The following GART variants were observed in gnomAD, a reference collection of about 807,000 sequenced individuals.
GART encodes the protein phosphoribosylglycinamide formyltransferase, phosphoribosylglycinamide synthetase, phosphoribosylaminoimidazole synthetase, also known as trifunctional purine biosynthetic protein adenosine-3.
In GART, 43 loss-of-function variants were observed where a neutral mutation model predicts 107.2. The observed-to-expected ratio is 0.40, with a 90% CI of 0.31 to 0.52. GART has a LOEUF of 0.52. Among genes scored for constraint, GART ranks in the 20% least tolerant of loss-of-function variants. GART has a pLI of 0.52. For missense variants in GART, 1,107 were observed against 1,206.5 expected (o/e 0.92, Z 1.22); for synonymous variants, 434 against 427.0 (o/e 1.02, Z -0.20).
In GART at chr21:33,505,654, T is replaced by C. The variant is rs755774797; in HGVS notation, c.2632A>G (p.Ile878Val). Residue 878 changes from isoleucine to valine, a missense_variant, in exon 20 of 22, where the codon ATT (isoleucine) becomes GTT (valine). Physicochemically the swap from Ile to Val is conservative, Grantham distance 29. Coordinates refer to ENST00000381815, the MANE Select transcript of GART (RefSeq NM_000819.5). ...YKNRVEFDSA[I>V]DLVLEEFSID... ...GAGAACTCTTCAAGGACTAGGTCAA[T>C]TGCACTGTCAAATTCTACACGATTT... 5.0e-6 allele frequency: 8 copies of C among 1,612,038 alleles called. No homozygotes were observed. The highest frequency in any genetic ancestry group is 2.7e-5 in the African/African-American group (2 of 74,884).
chr21:33,542,843 A>G (rs528858016), upstream of GART: 1 of 567,458 alleles, frequency 1.8e-6, no homozygotes, highest in South Asian at 2.1e-5. Context: ...CCTGCGTCAG[A>G]CACTAACATG....
At chr21:33,512,453 T>C (rs1271571098) in intron 16 of GART, among the ~76,000 whole-genome samples, 1 of 152,132 alleles carries the variant, frequency 6.6e-6, no homozygotes, top group African/African-American at 2.4e-5. Context: ...TTATGGGATC[T>C]GATTTTTTAA....
At chr21:33,520,222 T>C in intron 14 of GART, 142 bp downstream of exon 14, 1 of 689,802 alleles carries the variant, frequency 1.4e-6, no homozygotes, top group Non-Finnish European at 2.4e-6. Flanking sequence ...TTTACCTATA[T>C]TTCATTTGTG....
At chr21:33,537,090 C>T (rs2085320506) in intron 2 of GART, among the ~76,000 whole-genome samples, 1 of 152,096 alleles carries the variant, frequency 6.6e-6, no homozygotes, top group South Asian at 2.1e-4. Flanking sequence ...TGAGCAGCGT[C>T]AACTATATCA....
upstream of GART, chr21:33,542,830 G>A: frequency 1.8e-6 from 1 of 550,548 alleles, no homozygotes; most frequent in Non-Finnish European, 3.3e-6. Flanking sequence ...TCCTGTAATG[G>A]CGCCTGCGTC....
chr21:33,526,576 T>C (rs1234233624), intron 10 of GART, among the ~76,000 whole-genome samples: 5 of 152,214 alleles, frequency 3.3e-5, no homozygotes, highest in Middle Eastern at 3.4e-3. Flanking sequence ...TAAGTTTCTT[T>C]CTTTTCAGTA....
chr21:33,528,498 T>C, intron 9 of GART, 21 bp downstream of exon 9: 1 of 1,571,946 alleles, frequency 6.4e-7, no homozygotes. Context: ...TACCAAGTAA[T>C]ACTTTGATAT....
rs758357803 is a variant in GART at position 33,520,939 on chromosome 21, G to A, written c.1470C>T (p.Ala490=). 4 of 1,614,006 alleles carry A rather than the reference G, an allele frequency of 2.5e-6. No individual in the cohort carries two copies. Among genetic ancestry groups the A allele is most frequent in the Non-Finnish European group, 3.4e-6 (4 of 1,179,970 alleles). Residue 490 remains alanine, a synonymous_variant, in exon 13 of 22, where the codon GCC becomes GCT. Coordinates refer to ENST00000381815, the MANE Select transcript of GART (RefSeq NM_000819.5). The stretch of plus-strand genomic sequence containing the variant: ...TAGTTCCAACGCCATCTGTTCCAGA[G>A]GCCAGAAGGGGATCTTTGAAACCAG... ...KAAGFKDPLL[A]SGTDGVGTKL...
Position 33,504,258 on chromosome 21 carries a change from C to T in GART, c.2899G>A (p.Asp967Asn). The change falls in exon 22 of 22, where the codon GAT (aspartate) becomes AAT (asparagine). Residue 967 changes from aspartate (D) to asparagine (N), a missense_variant. Coordinates refer to ENST00000381815, the MANE Select transcript of GART (RefSeq NM_000819.5). The stretch of plus-strand genomic sequence containing the variant: ...CTTTCAGAAAGAGTTGCGACAGTAT[C>T]ACCCCTCTTCACGGGAACAGCTTCT... ...LQEAVPVKRG[D>N]TVATLSERVK... The T allele has an allele frequency of 6.2e-7, 1 of 1,614,192 alleles. No individual in the cohort carries two copies. Among genetic ancestry groups the T allele is most frequent in the South Asian group, 1.1e-5 (1 of 91,078 alleles).
At chr21:33,521,216 C>T (rs2084967494) in intron 12 of GART, among the ~76,000 whole-genome samples, 1 of 152,168 alleles carries the variant, frequency 6.6e-6, no homozygotes, top group Non-Finnish European at 1.5e-5. Context: ...AATAGATTAA[C>T]ATGTAACATG....
At chr21:33,538,423 G>A (rs964066420) in intron 2 of GART, among the ~76,000 whole-genome samples, 2 of 151,446 alleles carry the variant, frequency 1.3e-5, no homozygotes, top group African/African-American at 4.9e-5. Flanking sequence ...TGTAGAGATC[G>A]GGTCTCACTA....
chr21:33,505,938 T>C, intron 19 of GART, 36 bp downstream of exon 19: 1 of 1,611,512 alleles, frequency 6.2e-7, no homozygotes, highest in Non-Finnish European at 8.5e-7. Flanking sequence ...AGCTTAAATA[T>C]GGCCCACAGC....
intron 1 of GART, among the ~76,000 whole-genome samples, chr21:33,540,998 C>T (rs1003266394): frequency 6.7e-6 from 1 of 149,278 alleles, no homozygotes; most frequent in Non-Finnish European, 1.5e-5. Flanking sequence ...ATTCTCTCAA[C>T]AAGTGAAACG....
Position 33,522,343 on chromosome 21 carries a change from T to C in GART, c.1299-61A>G, listed in dbSNP as rs1022529903. The C allele has an allele frequency of 1.3e-5, 17 of 1,273,348 alleles. No individual in the cohort carries two copies. In the African/African-American group the frequency reaches 2.2e-4, roughly 17 times the overall value. 78.9% of individuals were successfully genotyped at this position (1,273,348 alleles called of 1,614,324 possible). ...AGGGAAAATTATTTTAATCTTAAAA[T>C]ATTATTTAAAGCAGAAGATATCCCA... On this transcript the variant is annotated intron_variant, in intron 11 of 21. Coordinates refer to ENST00000381815, the MANE Select transcript of GART (RefSeq NM_000819.5).
chr21:33,520,461 A>G lies in GART; in HGVS notation c.1605T>C (p.Leu535=), dbSNP rs2084951542. Residue 535 remains leucine, a synonymous_variant, in exon 14 of 22, where the codon CTT becomes CTC. Transcript: ENST00000381815. ...LAQGAEPLFF[L]DYFSCGKLDL... ...CAAGTTTTCCACAGGAAAAGTAATC[A>G]AGGAAGAAGAGGGGCTCTGCTCCTT... 1.2e-6 allele frequency: 2 copies of G among 1,614,170 alleles called. No individual in the cohort carries two copies. Among genetic ancestry groups the G allele is most frequent in the East Asian group, 4.5e-5 (2 of 44,876 alleles).
upstream of GART, chr21:33,542,217 G>A (rs34063527): frequency 6.6e-6 from 1 of 152,268 alleles, no homozygotes; most frequent in Non-Finnish European, 1.5e-5. Flanking sequence ...GGTCTCCGCG[G>A]CGAGAATCTA....
intron 16 of GART, among the ~76,000 whole-genome samples, chr21:33,512,461 T>TA (rs1217360102): frequency 1.3e-5 from 2 of 152,096 alleles, no homozygotes; most frequent in African/African-American, 2.4e-5. Flanking sequence ...TCTGATTTTT[T>TA]AAAAAAACTA....
At chr21:33,510,811 A>G (rs1569011696) in intron 17 of GART, among the ~76,000 whole-genome samples, 1 of 151,836 alleles carries the variant, frequency 6.6e-6, no homozygotes, top group East Asian at 1.9e-4. Flanking sequence ...GTATCGTTCC[A>G]ATTTTAGTAT....
chr21:33,533,480 T>A (rs7277653), intron 4 of GART, among the ~76,000 whole-genome samples: 8,574 of 149,094 alleles, frequency 0.058, 841 homozygotes, highest in African/African-American at 0.2. Context: ...TAAAAATAAA[T>A]AAATAAATAA....
Sources: allele counts gnomAD v4.1 joint callset (sites outside exome capture counted in the v4.1 genomes callset), GRCh38; gene constraint gnomAD v4.1.1; transcripts MANE v1.5; gene names NCBI Gene and HGNC (gene_info 2026-07-23, HGNC 2026-07-21).